The following RTEL1 variants were observed in gnomAD, a reference collection of about 807,000 sequenced individuals.
RTEL1 encodes regulator of telomere length.
RTEL1 carries 86 observed loss-of-function variants against 162.2 expected under a neutral mutation model. The observed-to-expected ratio is 0.53, with a 90% CI of 0.45 to 0.63. RTEL1 has a LOEUF of 0.63. RTEL1 is among the 30% of genes least tolerant of loss of function. The pLI is 0.00. For missense variants in RTEL1, 1,941 were observed against 1,750.2 expected, an observed-to-expected ratio of 1.11 and a Z score of -1.95; for synonymous variants, 958 against 717.9, an observed-to-expected ratio of 1.33 and a Z score of -5.35.
chr20:63,663,066 C>T (rs1402486195), intron 6 of RTEL1, 177 bp downstream of exon 6: 12 of 655,266 alleles, frequency 1.8e-5, no homozygotes, highest in African/African-American at 3.5e-5. Flanking sequence ...TGTGGAAGAG[C>T]TCACACAGTG....
rs1483445218 is a variant in RTEL1 at position 63,694,452 on chromosome 20, G to A, written c.3073G>A (p.Gly1025Ser). The A allele has an allele frequency of 1.9e-6, 3 of 1,609,012 alleles. No homozygotes were observed. Among genetic ancestry groups the A allele is most frequent in the Non-Finnish European group, 2.5e-6 (3 of 1,177,010 alleles). Reference protein sequence around the residue: ...QLDPQEHLNQGRPHLSPRPPP... With the variant: ...QLDPQEHLNQSRPHLSPRPPP... ...GGACCCCCAAGAGCACCTGAACCAG[G>A]GCAGGCCCCACCTGTCGCCCAGGCC... Residue 1025 changes from glycine (G) to serine (S), a missense_variant, in exon 31 of 35, where the codon GGC (glycine) becomes AGC (serine). Physicochemically the swap from Gly to Ser is moderately conservative, Grantham distance 56. Transcript: ENST00000360203.
chr20:63,664,754 G>A (rs1204321172), intron 6 of RTEL1, among the ~76,000 whole-genome samples: 1 of 152,214 alleles, frequency 6.6e-6, no homozygotes, highest in Non-Finnish European at 1.5e-5. Flanking sequence ...CTCCTGGAGG[G>A]GTCTGAGAGG....
Position 63,692,798 on chromosome 20 carries a change from C to G in RTEL1, c.2653-7C>G, listed in dbSNP as rs1472538837. On this transcript the variant is annotated splice_polypyrimidine_tract_variant and splice_region_variant and intron_variant, in intron 28 of 34. Transcript: ENST00000360203. ...CCCTGATGGAGCCTCGGGCCTGTGT[C>G]CTGCAGGAGGAGCCCGTGGCTGGTG... 1.2e-6 allele frequency: 2 copies of G among 1,608,488 alleles called. No individual in the cohort carries two copies. The highest frequency in any genetic ancestry group is 4.5e-5 in the East Asian group (2 of 44,750).
At chr20:63,675,896 A>G (rs2090339730) in intron 10 of RTEL1, among the ~76,000 whole-genome samples, 1 of 152,140 alleles carries the variant, frequency 6.6e-6, no homozygotes, top group African/African-American at 2.4e-5. Flanking sequence ...ACGTGGGAGA[A>G]ACATCCACCC....
In RTEL1 at chr20:63,696,017, G is replaced by A. The variant is rs1051459051; in HGVS notation, c.*159G>A. ...GGCGGGGCCCATGGTTGGTCCCTGC[G>A]GTGGGACCGGATCTGGGCCTGCCTC... On this transcript the variant is annotated 3_prime_UTR_variant, in exon 35 of 35. Coordinates refer to ENST00000360203, the MANE Select transcript of RTEL1 (RefSeq NM_001283009.2). 2.3e-5 allele frequency: 16 copies of A among 695,000 alleles called. No individual in the cohort carries two copies. The highest frequency in any genetic ancestry group is 4.1e-4 in the Middle Eastern group (1 of 2,456). The allele number at this position is 695,000 out of a possible 1,614,324, so 43.1% of individuals were successfully genotyped here. A position where few individuals can be genotyped will look rare whatever the true frequency, so the allele number is the denominator to read the frequency against.
chr20:63,690,486 C>T (rs375829737), intron 26 of RTEL1, 45 bp downstream of exon 26: 434 of 491,074 alleles, frequency 8.8e-4, no homozygotes, highest in Non-Finnish European at 1.3e-3. Flanking sequence ...GGTGGCGGAG[C>T]GGGCGGCGTG....
intron 14 of RTEL1, chr20:63,681,304 T>C: frequency 1.0e-6 from 1 of 985,358 alleles, no homozygotes; most frequent in Non-Finnish European, 1.2e-6. Flanking sequence ...GTCCGGTTTG[T>C]GGAGGGCACG....
chr20:63,678,014 A>C, intron 10 of RTEL1, 131 bp from the exon 11 acceptor site: 1 of 1,041,504 alleles, frequency 9.6e-7, no homozygotes, highest in East Asian at 2.6e-5. Context: ...TTTGGCCTGC[A>C]TGGATTCTGT....
chr20:63,687,395 C>G, intron 16 of RTEL1: 1 of 519,398 alleles, frequency 1.9e-6, no homozygotes, highest in East Asian at 3.1e-5. Context: ...TGTCCCCAGC[C>G]TCTGCCTGGG....
At chr20:63,688,676 G>A (rs567776543) in intron 21 of RTEL1, 71 bp downstream of exon 21, 105 of 1,427,926 alleles carry the variant, frequency 7.4e-5, no homozygotes, top group African/African-American at 6.5e-4. Flanking sequence ...GCTTCCCCAA[G>A]GCTGACCACT....
rs1280101014 is a variant in RTEL1, at chr20:63,661,732, C to G, written c.302-118C>G. On this transcript the variant is annotated intron_variant, in intron 3 of 34. Coordinates refer to ENST00000360203, the MANE Select transcript of RTEL1 (RefSeq NM_001283009.2). The surrounding 1 kb of genome is among the most constrained non-coding windows in gnomAD (Gnocchi z 5.1). Reference sequence around the variant, plus strand: ...TCACCCATTTTTGATAAACCAGTATCTGGGGTGTCAGATTCTTGGCTGTCT... The same window carrying G: ...TCACCCATTTTTGATAAACCAGTATGTGGGGTGTCAGATTCTTGGCTGTCT... 4 of 984,038 alleles carry G rather than the reference C, an allele frequency of 4.1e-6. No homozygotes were observed. The allele number at this position is 984,038 out of a possible 1,614,324, so 61.0% of individuals were successfully genotyped here. A position where few individuals can be genotyped will look rare whatever the true frequency, so the allele number is the denominator to read the frequency against.
At chr20:63,682,695 G>A in intron 14 of RTEL1, 1 of 985,914 alleles carries the variant, frequency 1.0e-6, no homozygotes, top group South Asian at 4.7e-5. Flanking sequence ...GCTGGGTTGG[G>A]CCTGCAGCCC....
chr20:63,667,273 T>A (rs986571390), intron 7 of RTEL1, among the ~76,000 whole-genome samples, 196 bp from the exon 8 acceptor site: 8 of 151,812 alleles, frequency 5.3e-5, no homozygotes, highest in Non-Finnish European at 8.9e-5. Context: ...TCCCCATCCC[T>A]TGGTCGGAAA....
intron 27 of RTEL1, 101 bp from the exon 28 acceptor site, chr20:63,691,641 C>G: frequency 9.7e-7 from 1 of 1,030,898 alleles, no homozygotes; most frequent in South Asian, 1.4e-5. Flanking sequence ...CATCTTGGCT[C>G]AGGGCTCCTT....
chr20:63,667,420 C>T (rs201961158), intron 7 of RTEL1, 49 bp from the exon 8 acceptor site: 27 of 1,465,060 alleles, frequency 1.8e-5, no homozygotes, highest in African/African-American at 1.5e-4. Flanking sequence ...CTCGGGGCAC[C>T]GTCCCCTGCA....
In RTEL1 at chr20:63,691,734, C is replaced by G. The variant is rs200385247; in HGVS notation, c.2557-8C>G. The G allele has an allele frequency of 1.2e-6, 2 of 1,611,334 alleles. No homozygotes were observed. Among genetic ancestry groups the G allele is most frequent in the African/African-American group, 1.3e-5 (1 of 74,854 alleles). ...TCTGTGTGTGGTTGTGAGCTGTGTC[C>G]TCCTCAGGCCCACAGCTGCTCCACC... On this transcript the variant is annotated splice_polypyrimidine_tract_variant and splice_region_variant and intron_variant, in intron 27 of 34. Coordinates refer to ENST00000360203, the MANE Select transcript of RTEL1 (RefSeq NM_001283009.2).
At chr20:63,692,476 C>T (rs537757489) in intron 28 of RTEL1, 625 of 406,620 alleles carry the variant, frequency 1.5e-3, no homozygotes, top group African/African-American at 2.9e-3. Context: ...CAGCCGCATC[C>T]GCTGTGGGGC....
intron 16 of RTEL1, chr20:63,686,097 G>A (rs1020809603): frequency 8.5e-6 from 5 of 588,246 alleles, no homozygotes; most frequent in African/African-American, 3.7e-5. Flanking sequence ...CCTGCCCAGA[G>A]TCACCTGGTT....
rs1347556528 is a variant in RTEL1, at chr20:63,668,810, CAGA to C, written c.699+1261_699+1263del. Among the ~76,000 whole-genome samples, 2 of 152,168 alleles carry C rather than the reference CAGA, an allele frequency of 1.3e-5. No individual in the cohort carries two copies. The highest frequency in any genetic ancestry group is 2.9e-5 in the Non-Finnish European group (2 of 68,036). On this transcript the variant is annotated intron_variant, in intron 8 of 34. Transcript: ENST00000360203. The surrounding 1 kb of genome is among the most constrained non-coding windows in gnomAD (Gnocchi z 4.3). ...CGAGTCTAACACTTTCACGGAAACG[CAGA>C]AGATCTAAAACAGCAAGATGACCGT...
Sources: gnomAD v4.1 joint callset for allele counts (sites outside exome capture counted in the v4.1 genomes callset) on GRCh38, gnomAD v4.1.1 for gene constraint, Gnocchi (gnomAD v3.1) non-coding constraint, MANE v1.5 for transcripts, NCBI Gene and HGNC (gene_info 2026-07-23, HGNC 2026-07-21) for gene names.